DNAAF4: variants seen among roughly 807,000 people sequenced by gnomAD.
DNAAF4 encodes dynein assembly factor 4, axonemal.
A neutral mutation model predicts 51.8 loss-of-function variants in DNAAF4; 43 were observed. That is an observed-to-expected ratio of 0.83 (90% confidence interval 0.65 to 1.07). DNAAF4 has a LOEUF of 1.07. Ranked by LOEUF, DNAAF4 falls within the 50% of genes least tolerant of loss-of-function variation. DNAAF4 has a pLI of 0.00. For missense variants in DNAAF4, 581 were observed against 493.0 expected, an observed-to-expected ratio of 1.18 and a Z score of -1.69; for synonymous variants, 194 against 165.6, an observed-to-expected ratio of 1.17 and a Z score of -1.32.
chr15:55,452,672 T>C (rs1343837101), intron 5 of DNAAF4, among the ~76,000 whole-genome samples: 2 of 152,142 alleles, frequency 1.3e-5, no homozygotes, highest in East Asian at 3.8e-4. Context: ...ACATACAAAT[T>C]CTTGATAAAA....
At chr15:55,485,632 C>A (rs1331581872) in intron 4 of DNAAF4, among the ~76,000 whole-genome samples, 1 of 151,734 alleles carries the variant, frequency 6.6e-6, no homozygotes, top group Non-Finnish European at 1.5e-5. Flanking sequence ...AAAACAAAAA[C>A]AAGAAATGAT....
chr15:55,485,084 A>T (rs964054145), intron 4 of DNAAF4, among the ~76,000 whole-genome samples: 1 of 152,216 alleles, frequency 6.6e-6, no homozygotes, highest in Non-Finnish European at 1.5e-5. Context: ...CACTAGCCAA[A>T]GGGTGGAAGC....
chr15:55,490,235 G>C (rs1044560298), intron 4 of DNAAF4, among the ~76,000 whole-genome samples: 2 of 151,506 alleles, frequency 1.3e-5, no homozygotes, highest in African/African-American at 4.8e-5. Context: ...ACAGAAAATA[G>C]ATAAGCAGTT....
At chr15:55,438,541 G>T in intron 7 of DNAAF4, among the ~76,000 whole-genome samples, 1 of 151,900 alleles carries the variant, frequency 6.6e-6, no homozygotes, top group East Asian at 1.9e-4. Context: ...CAGCACTTTG[G>T]GAGACTGAGG....
intron 6 of DNAAF4, 36 bp from the exon 7 acceptor site, chr15:55,439,617 G>C: frequency 1.3e-6 from 2 of 1,564,324 alleles, no homozygotes; most frequent in East Asian, 2.2e-5. Flanking sequence ...AGAATAAAAA[G>C]GTCTTTTTTT....
chr15:55,496,511 T>C (rs2141600096), intron 3 of DNAAF4, among the ~76,000 whole-genome samples: 1 of 152,218 alleles, frequency 6.6e-6, no homozygotes, highest in South Asian at 2.1e-4. Flanking sequence ...TAGCCTCCCC[T>C]GTAAAAAAAG....
intron 8 of DNAAF4, among the ~76,000 whole-genome samples, chr15:55,432,970 A>C (rs1477624755): frequency 6.6e-6 from 1 of 150,852 alleles, no homozygotes; most frequent in Non-Finnish European, 1.5e-5. Context: ...AAAACAAAAA[A>C]CAAACAAGCA....
At chr15:55,494,890 G>A (rs1241571730) in intron 3 of DNAAF4, among the ~76,000 whole-genome samples, 1 of 152,040 alleles carries the variant, frequency 6.6e-6, no homozygotes, top group East Asian at 1.9e-4. Flanking sequence ...AAAATTAGAT[G>A]AAATTCAAAT....
chr15:55,419,168 G>A (rs958824847), intron 7 of DNAAF4, among the ~76,000 whole-genome samples: 4 of 152,022 alleles, frequency 2.6e-5, no homozygotes, highest in African/African-American at 9.7e-5. Flanking sequence ...CGCCTGCCTC[G>A]GCCACCCAAA....
chr15:55,451,256 G>A (rs368327595), intron 5 of DNAAF4, among the ~76,000 whole-genome samples: 1 of 152,192 alleles, frequency 6.6e-6, no homozygotes, highest in Admixed American at 6.5e-5. Context: ...GAACACAGTC[G>A]TTGAGCACTG....
At position 55,498,255 on chromosome 15, in the gene DNAAF4, G is replaced by T. The variant is rs1259883112; in HGVS notation, c.75C>A (p.Gly25=). 3 of 1,613,714 alleles carry T rather than the reference G, an allele frequency of 1.9e-6. No individual in the cohort carries two copies. In the African/African-American group the frequency reaches 4.0e-5, roughly 22 times the overall value. The change falls in exon 2 of 10, where the codon GGC becomes GGA. Residue 25 remains glycine, a synonymous_variant. Coordinates refer to ENST00000321149, the MANE Select transcript of DNAAF4 (RefSeq NM_130810.4). ...TAVFLSLPLK[G]VCVRDTDVFC... is the part of the protein sequence containing the mutation. ...ACACGTCCGTGTCTCTGACGCACACGCCTTTGAGGGGCAGAGACAGAAAGA... is the reference window on the plus strand; with the variant it reads ...ACACGTCCGTGTCTCTGACGCACACTCCTTTGAGGGGCAGAGACAGAAAGA...
At position 55,450,276 on chromosome 15, in the gene DNAAF4, G is replaced by A. The variant is rs370022350; in HGVS notation, c.729C>T (p.Thr243=). ...GAAGAGCTGTTGGGAATACTCGAGG[G>A]GTAAAGTTGATTTTAATACTGCCAA... ...RSVGSIKINF[T]PRVFPTALRE... is the part of the protein sequence containing the mutation. Residue 243 remains threonine (T), a synonymous_variant, in exon 6 of 10, where the codon ACC becomes ACT. Coordinates refer to ENST00000321149, the MANE Select transcript of DNAAF4 (RefSeq NM_130810.4). 1 of 1,613,946 alleles carries A rather than the reference G, an allele frequency of 6.2e-7. No homozygotes were observed. Among genetic ancestry groups the A allele is most frequent in the Non-Finnish European group, 8.5e-7 (1 of 1,179,988 alleles).
rs186721382 is a variant in DNAAF4 at position 55,499,808 on chromosome 15, G to T, written c.-255-1224C>A. Among the ~76,000 whole-genome samples the T allele has an allele frequency of 3.7e-3, 562 of 152,292 alleles. 8 individuals carry two copies. Among genetic ancestry groups the T allele is most frequent in the Non-Finnish European group, 3.3e-3 (225 of 68,022 alleles). On this transcript the variant is annotated intron_variant, in intron 1 of 9. Transcript: ENST00000321149. Reference sequence around the variant, plus strand: ...TGCTGCAGAGAAGCTTGAAGATTATGTAGTCTTATTCTACATATTTAAGGA... The same window carrying T: ...TGCTGCAGAGAAGCTTGAAGATTATTTAGTCTTATTCTACATATTTAAGGA...
intron 4 of DNAAF4, among the ~76,000 whole-genome samples, chr15:55,487,103 G>A (rs145668509): frequency 1.3e-5 from 2 of 152,316 alleles, no homozygotes; most frequent in East Asian, 3.9e-4. Context: ...GAGAGGTGAA[G>A]CCAGCTGGAC....
chr15:55,450,973 T>A (rs2057923454), intron 5 of DNAAF4, among the ~76,000 whole-genome samples: 1 of 152,112 alleles, frequency 6.6e-6, no homozygotes, highest in East Asian at 1.9e-4. Context: ...GGCACATACC[T>A]ATAATCCCAG....
At chr15:55,492,258 G>C (rs887752657) in intron 3 of DNAAF4, among the ~76,000 whole-genome samples, 3 of 148,854 alleles carry the variant, frequency 2.0e-5, no homozygotes, top group Non-Finnish European at 4.4e-5. Flanking sequence ...GAGCCTAAGG[G>C]AAAAGATCTA....
At chr15:55,428,484 C>CTTTTTCTTTTTTTTT (rs2057453067), downstream of DNAAF4, among the ~76,000 whole-genome samples, 2 of 85,012 alleles carry the variant, frequency 2.4e-5, no homozygotes, top group Non-Finnish European at 4.6e-5. Context: ...TCTTTTTTTT[C>CTTTTTCTTTTTTTTT]TTTTTTTTTT....
At chr15:55,477,657 T>C (rs567299683) in intron 4 of DNAAF4, among the ~76,000 whole-genome samples, 160 of 80,050 alleles carry the variant, frequency 2.0e-3, no homozygotes, top group African/African-American at 8.6e-3. Context: ...TGCGTGTGTG[T>C]GTGTATATAT....
chr15:55,430,953 G>A (rs7181805), intron 9 of DNAAF4, among the ~76,000 whole-genome samples, 174 bp from the exon 10 acceptor site: 4 of 151,654 alleles, frequency 2.6e-5, no homozygotes, highest in Admixed American at 2.0e-4. Context: ...TCCTTCTGTT[G>A]CCCAGGCGGG....
Sources: gnomAD v4.1 joint callset for allele counts (sites outside exome capture counted in the v4.1 genomes callset) on GRCh38, gnomAD v4.1.1 for gene constraint, MANE v1.5 for transcripts, NCBI Gene and HGNC (gene_info 2026-07-23, HGNC 2026-07-21) for gene names.